Variants in CACNA2D4 observed in about 807,000 individuals in gnomAD.
CACNA2D4 encodes the protein voltage-dependent calcium channel subunit alpha-2/delta-4.
A neutral mutation model predicts 163.8 loss-of-function variants in CACNA2D4; 157 were observed. That is an observed-to-expected ratio of 0.96 (90% CI 0.84 to 1.09). CACNA2D4 has a LOEUF of 1.09. Among genes scored for constraint, CACNA2D4 ranks in the 50% least tolerant of loss-of-function variants. The pLI is 0.00. For synonymous variants in CACNA2D4, 598 were observed against 586.9 expected (o/e 1.02, Z -0.27); for missense variants, 1,410 against 1,479.9 (o/e 0.95, Z 0.78).
At position 1,843,747 on chromosome 12, in the gene CACNA2D4, G is replaced by A. The variant is rs1451245014; in HGVS notation, c.2470+655C>T. Among the ~76,000 whole-genome samples the A allele has an allele frequency of 2.0e-5, 3 of 152,208 alleles. No individual in the cohort carries two copies. In the East Asian group the frequency reaches 5.8e-4, roughly 29 times the overall value. On this transcript the variant is annotated intron_variant, in intron 25 of 37. Transcript: ENST00000382722. This position sits in a 1 kb window ranked among gnomAD's most constrained non-coding sequence, Gnocchi z 4.6. ...ATTTTGGTTATTTTCCAGAATGGGG[G>A]CTGGGGCTGGCTGGCAGTTGGGTGC... is the stretch of plus-strand genomic sequence containing the variant.
At chr12:1,866,696 T>C (rs918609278) in intron 18 of CACNA2D4, among the ~76,000 whole-genome samples, 1 of 152,114 alleles carries the variant, frequency 6.6e-6, no homozygotes, top group African/African-American at 2.4e-5. Flanking sequence ...TCACAGCTCA[T>C]TGCAGCCTCA....
Position 1,833,083 on chromosome 12 carries a change from A to G in CACNA2D4, c.2551+7656T>C, listed in dbSNP as rs1461960750. ...GGTCGCCGGGAACTGAATTCCCAGC[A>G]CAAAAATGCATGCCATGAGAATGTG... On this transcript the variant is annotated intron_variant, in intron 26 of 37. Coordinates refer to ENST00000382722, the MANE Select transcript of CACNA2D4 (RefSeq NM_172364.5). This position sits in a 1 kb window ranked among gnomAD's most constrained non-coding sequence, Gnocchi z 4.2. 6.6e-6 allele frequency among the ~76,000 whole-genome samples: 1 copy of G among 152,240 alleles called. No individual in the cohort carries two copies. Among genetic ancestry groups the G allele is most frequent in the East Asian group, 1.9e-4 (1 of 5,200 alleles).
Position 1,884,231 on chromosome 12 carries a change from C to A in CACNA2D4, c.1351+12G>T, listed in dbSNP as rs751275598. 1.2e-6 allele frequency: 2 copies of A among 1,609,534 alleles called. No homozygotes were observed. The highest frequency in any genetic ancestry group is 1.3e-5 in the African/African-American group (1 of 74,832). On this transcript the variant is annotated intron_variant, in intron 12 of 37. Transcript: ENST00000382722. ...GTGCAGGTGGGAAGGTACCTGCTGG[C>A]CCGGCACTCACCTTTGTTGTTGCAT...
rs60708075 is a variant in CACNA2D4 at position 1,885,197 on chromosome 12, G to A, written c.1069-121C>T. ...CCAGAAGGACATGATTTCAGGGCCTGTGTCTCCATGATGCAGTTCATGGAC... is the reference window on the plus strand; with the variant it reads ...CCAGAAGGACATGATTTCAGGGCCTATGTCTCCATGATGCAGTTCATGGAC... On this transcript the variant is annotated intron_variant, in intron 9 of 37. Transcript: ENST00000382722. 7.6e-6 allele frequency: 6 copies of A among 793,142 alleles called. No individual in the cohort carries two copies. In the East Asian group the frequency reaches 9.8e-5, roughly 13 times the overall value. 49.1% of individuals were successfully genotyped at this position (793,142 alleles called of 1,614,324 possible).
chr12:1,793,823 C>A (rs1863040460), intron 37 of CACNA2D4, 64 bp from the exon 38 acceptor site: 2 of 1,370,466 alleles, frequency 1.5e-6, no homozygotes, highest in Non-Finnish European at 2.1e-6. Context: ...AAGGGAGGGG[C>A]TTCCACCACT....
chr12:1,825,736 G>A (rs1248843201), intron 26 of CACNA2D4, among the ~76,000 whole-genome samples: 4 of 152,220 alleles, frequency 2.6e-5, no homozygotes, highest in Non-Finnish European at 5.9e-5. Context: ...TGTGTGCCCT[G>A]CTCTGTGCAC....
intron 26 of CACNA2D4, among the ~76,000 whole-genome samples, chr12:1,816,674 G>T (rs374044126): frequency 4.2e-4 from 64 of 152,364 alleles, no homozygotes; most frequent in African/African-American, 1.5e-3. Flanking sequence ...GTACGTCTTT[G>T]CTGTGCACAC....
At chr12:1,915,883 C>T (rs1381437953) in intron 1 of CACNA2D4, among the ~76,000 whole-genome samples, 1 of 152,238 alleles carries the variant, frequency 6.6e-6, no homozygotes, top group Non-Finnish European at 1.5e-5. Flanking sequence ...CAAGGTCCTA[C>T]CATGTGGCAG....
intron 29 of CACNA2D4, among the ~76,000 whole-genome samples, chr12:1,803,344 A>G (rs1223646034): frequency 2.0e-5 from 3 of 152,244 alleles, no homozygotes; most frequent in Non-Finnish European, 1.5e-5. Flanking sequence ...CAGCTTCAGG[A>G]CAATAACCCC....
Position 1,793,591 on chromosome 12 carries a change from G to T in CACNA2D4, c.*64C>A, listed in dbSNP as rs1298736363. On this transcript the variant is annotated 3_prime_UTR_variant, in exon 38 of 38. Coordinates refer to ENST00000382722, the MANE Select transcript of CACNA2D4 (RefSeq NM_172364.5). ...GCAGTTAGCTGCATCCCATGTCAGT[G>T]CTGACTTTTTGGGATGGCTCTGGAA... The T allele has an allele frequency of 3.8e-5, 54 of 1,434,810 alleles. No homozygotes were observed. Among genetic ancestry groups the T allele is most frequent in the Non-Finnish European group, 5.3e-5 (54 of 1,018,064 alleles). 88.9% of individuals were successfully genotyped at this position (1,434,810 alleles called of 1,614,324 possible).
Position 1,885,953 on chromosome 12 carries a change from G to A in CACNA2D4, c.1068+12C>T, listed in dbSNP as rs77282921. The A allele has an allele frequency of 5.3e-3, 8,424 of 1,603,428 alleles. 354 individuals are homozygous for A. The African/African-American group carries it at 0.097, about 18-fold the overall frequency. ...AGGGGCTTGGAAGTCTCAGGCCACC[G>A]TGGACACTCACCTCTCGATTGTCTC... On this transcript the variant is annotated intron_variant, in intron 9 of 37. Coordinates refer to ENST00000382722, the MANE Select transcript of CACNA2D4 (RefSeq NM_172364.5).
At chr12:1,861,991 G>A (rs1205009725) in intron 18 of CACNA2D4, among the ~76,000 whole-genome samples, 1 of 152,178 alleles carries the variant, frequency 6.6e-6, no homozygotes, top group Non-Finnish European at 1.5e-5. Flanking sequence ...CAAAAACTGC[G>A]TCTGGCTTCT....
chr12:1,842,618 A>AAAAC (rs1865052735), intron 25 of CACNA2D4, among the ~76,000 whole-genome samples: 1 of 75,442 alleles, frequency 1.3e-5, no homozygotes, highest in Non-Finnish European at 2.8e-5. Context: ...TCACCCACCC[A>AAAAC]CCCTCCCACC....
intron 18 of CACNA2D4, among the ~76,000 whole-genome samples, chr12:1,864,303 A>G (rs991561592): frequency 6.6e-6 from 1 of 152,240 alleles, no homozygotes; most frequent in African/African-American, 2.4e-5. Context: ...CAATGGAGCC[A>G]GTGCCAATGT....
intron 18 of CACNA2D4, among the ~76,000 whole-genome samples, chr12:1,870,019 A>G (rs758471065): frequency 6.6e-6 from 1 of 152,202 alleles, no homozygotes; most frequent in Non-Finnish European, 1.5e-5. Flanking sequence ...AGAGGCTTGA[A>G]TTCACATTTT....
chr12:1,871,428 T>C (rs1865777190), intron 18 of CACNA2D4, among the ~76,000 whole-genome samples: 1 of 149,214 alleles, frequency 6.7e-6, no homozygotes, highest in Non-Finnish European at 1.5e-5. Context: ...GTGCCACTGG[T>C]GTGTGTACAC....
rs78142523 is a variant in CACNA2D4, at chr12:1,872,422, C to T, written c.1878+2182G>A. On this transcript the variant is annotated intron_variant, in intron 18 of 37. Transcript: ENST00000382722. The stretch of plus-strand genomic sequence containing the variant: ...AACAACACGGCAGGCGGTCCTGTAC[C>T]GGGAGATGGCTCGAACAGTAACAGT... Among the ~76,000 whole-genome samples the T allele has an allele frequency of 2.7e-3, 404 of 152,300 alleles. 4 individuals are homozygous for T. The highest frequency in any genetic ancestry group is 8.8e-3 in the African/African-American group (366 of 41,570).
At position 1,875,620 on chromosome 12, in the gene CACNA2D4, A is replaced by C. The variant is rs1050275567; in HGVS notation, c.1720-283T>G. On this transcript the variant is annotated intron_variant, in intron 16 of 37. Transcript: ENST00000382722. The surrounding 1 kb of genome is among the most constrained non-coding windows in gnomAD (Gnocchi z 4.0). ...GCTTGTTGGAGCTTTGGATAGCCCTAATTGTTAGAAAGTTCCTCCTCACAC... is the reference window on the plus strand; with the variant it reads ...GCTTGTTGGAGCTTTGGATAGCCCTCATTGTTAGAAAGTTCCTCCTCACAC... Among the ~76,000 whole-genome samples the C allele has an allele frequency of 6.6e-6, 1 of 152,082 alleles. No individual in the cohort carries two copies. The highest frequency in any genetic ancestry group is 1.5e-5 in the Non-Finnish European group (1 of 68,000).
chr12:1,874,677 T>C lies in CACNA2D4; in HGVS notation c.1807-2A>G. 1 of 1,609,444 alleles carries C rather than the reference T, an allele frequency of 6.2e-7. No homozygotes were observed. The highest frequency in any genetic ancestry group is 1.1e-5 in the South Asian group (1 of 90,936). On this transcript the variant is annotated splice_acceptor_variant, in intron 17 of 37. Coordinates refer to ENST00000382722, the MANE Select transcript of CACNA2D4 (RefSeq NM_172364.5). LOFTEE classifies it high-confidence loss of function. The surrounding 1 kb of genome is among the most constrained non-coding windows in gnomAD (Gnocchi z 4.4). ...CCTATTGATCATGGCTGTTCTCAGC[T>C]TCAGGAGGAAAGACAATGGCATTAG...
Sources: allele counts gnomAD v4.1 joint callset (sites outside exome capture counted in the v4.1 genomes callset), GRCh38; gene constraint gnomAD v4.1.1; non-coding constraint Gnocchi (gnomAD v3.1); transcripts MANE v1.5; gene names NCBI Gene and HGNC (gene_info 2026-07-23, HGNC 2026-07-21).